The following MTA2 variants were observed in gnomAD, a reference collection of about 807,000 sequenced individuals.
The protein encoded by MTA2 is metastasis associated 1 family member 2.
In MTA2, 22 loss-of-function variants were observed where a neutral mutation model predicts 87.1. The observed-to-expected ratio is 0.25, with a 90% CI of 0.18 to 0.36. The LOEUF (loss-of-function observed/expected upper bound fraction) is 0.36, where lower values mean the gene tolerates loss of function less well. MTA2 is among the 10% of genes least tolerant of loss of function. MTA2 has a pLI of 1.00. For missense variants in MTA2, 542 were observed against 853.2 expected (o/e 0.64, Z 4.54); for synonymous variants, 314 against 310.1 (o/e 1.01, Z -0.13).
chr11:62,595,608 G>T lies in MTA2; in HGVS notation c.1255-116C>A. The T allele has an allele frequency of 6.7e-7, 1 of 1,501,634 alleles. No individual in the cohort carries two copies. Among genetic ancestry groups the T allele is most frequent in the Non-Finnish European group, 9.1e-7 (1 of 1,099,112 alleles). 93.0% of individuals were successfully genotyped at this position (1,501,634 alleles called of 1,614,324 possible). A position where few individuals can be genotyped will look rare whatever the true frequency, so the allele number is the denominator to read the frequency against. On this transcript the variant is annotated intron_variant, in intron 13 of 17. Coordinates refer to ENST00000278823, the MANE Select transcript of MTA2 (RefSeq NM_004739.4). The surrounding 1 kb of genome is among the most constrained non-coding windows in gnomAD (Gnocchi z 4.9). ...TGTCTAATCTCTTTACTGACCTCTT[G>T]GCCTATGTGTCTCCCCAACCAGCAT...
intron 11 of MTA2, 57 bp downstream of exon 11, chr11:62,596,222 C>T: frequency 6.2e-7 from 1 of 1,603,220 alleles, no homozygotes. Flanking sequence ...CTGAGGAAGG[C>T]ACAAGTTAGG....
At position 62,601,655 on chromosome 11, in the gene MTA2, C is replaced by T. The variant is rs1942204651; in HGVS notation, c.-205G>A. On this transcript the variant is annotated 5_prime_UTR_variant, in exon 1 of 18. Transcript: ENST00000278823. ...CGCCGCCGCAGCTATCGCCTCACTCCCGGGACGCTGAGGCTGGCCCCCGTC... is the reference window on the plus strand; with the variant it reads ...CGCCGCCGCAGCTATCGCCTCACTCTCGGGACGCTGAGGCTGGCCCCCGTC... 1.8e-5 allele frequency: 10 copies of T among 570,136 alleles called. No homozygotes were observed. In the South Asian group the frequency reaches 2.3e-4, roughly 13 times the overall value. The allele number at this position is 570,136 out of a possible 1,614,324, so 35.3% of individuals were successfully genotyped here. A position where few individuals can be genotyped will look rare whatever the true frequency, so the allele number is the denominator to read the frequency against.
At chr11:62,598,687 A>C (rs753699590) in intron 3 of MTA2, 48 bp from the exon 4 acceptor site, 13 of 1,509,584 alleles carry the variant, frequency 8.6e-6, no homozygotes, top group Non-Finnish European at 1.1e-5. Flanking sequence ...GATCCAGCAA[A>C]ACACCACCCT....
At chr11:62,596,948 G>A (rs1044583503) in intron 8 of MTA2, 123 bp from the exon 9 acceptor site, 1 of 912,988 alleles carries the variant, frequency 1.1e-6, no homozygotes, top group African/African-American at 1.7e-5. Context: ...CCAGCACTTT[G>A]GGAAGCGGAG....
At position 62,601,704 on chromosome 11, in the gene MTA2, C is replaced by CCAGGCCAGAGCCAGGCCAGAGCCTGG; in HGVS notation, c.-255_-254insCCAGGCTCTGGCCTGGCTCTGGCCTG. ...TCCGCTCGGCTTCTTCCGGAACGAGCTCGGCTCCTGCCAGGCCAGAGCCAG... is the reference window on the plus strand; with the variant it reads ...TCCGCTCGGCTTCTTCCGGAACGAGCCAGGCCAGAGCCAGGCCAGAGCCTGGTCGGCTCCTGCCAGGCCAGAGCCAG... On this transcript the variant is annotated 5_prime_UTR_variant, in exon 1 of 18. Coordinates refer to ENST00000278823, the MANE Select transcript of MTA2 (RefSeq NM_004739.4). 1.9e-6 allele frequency: 1 copy of CCAGGCCAGAGCCAGGCCAGAGCCTGG among 530,438 alleles called. No individual in the cohort carries two copies. 32.9% of individuals were successfully genotyped at this position (530,438 alleles called of 1,614,324 possible).
chr11:62,597,027 A>C (rs553647189), intron 8 of MTA2, among the ~76,000 whole-genome samples: 2 of 152,248 alleles, frequency 1.3e-5, no homozygotes, highest in East Asian at 3.9e-4. Flanking sequence ...GTCTCTACTA[A>C]AAATACAAAA....
rs1221852234 is a variant in MTA2 at position 62,598,396 on chromosome 11, GGAGA to G, written c.309-10_309-7del. On this transcript the variant is annotated splice_polypyrimidine_tract_variant and splice_region_variant and intron_variant, in intron 4 of 17. Transcript: ENST00000278823. ...GGGTCACACTGCATTTCCCCCTATA[GGAGA>G]GAGATTGGAAAACCCCGGTGAGCCC... 6.2e-7 allele frequency: 1 copy of G among 1,613,982 alleles called. No homozygotes were observed. Among genetic ancestry groups the G allele is most frequent in the Non-Finnish European group, 8.5e-7 (1 of 1,179,946 alleles).
chr11:62,594,728 G>A, intron 15 of MTA2, 94 bp from the exon 16 acceptor site: 2 of 1,203,266 alleles, frequency 1.7e-6, no homozygotes, highest in Admixed American at 2.0e-5. Flanking sequence ...AGTTTACCTG[G>A]GCATCCCCAA....
In MTA2 at chr11:62,600,215, C is replaced by A; in HGVS notation, c.141G>T (p.Arg47=). ...TGAGGCTACTAGAAATGTCCCTGCG[C>A]CGGAAAAGACAGACAACCTTTGCCT... is the stretch of plus-strand genomic sequence containing the variant. ...NVEAKVVCLF[R]RRDISSSLNS... The change falls in exon 3 of 18, where the codon CGG becomes CGT. Residue 47 remains arginine, a synonymous_variant. Transcript: ENST00000278823. 1 of 1,614,126 alleles carries A rather than the reference C, an allele frequency of 6.2e-7. No homozygotes were observed. The highest frequency in any genetic ancestry group is 8.5e-7 in the Non-Finnish European group (1 of 1,180,024).
At chr11:62,600,084 G>T (rs1590732596) in intron 3 of MTA2, 82 bp downstream of exon 3, 2 of 1,309,498 alleles carry the variant, frequency 1.5e-6, no homozygotes, top group African/African-American at 1.5e-5. Context: ...CCTTGGGCAT[G>T]CTACCAGGGG....
intron 11 of MTA2, 65 bp downstream of exon 11, chr11:62,596,214 G>A (rs1942096122): frequency 6.3e-7 from 1 of 1,598,754 alleles, no homozygotes; most frequent in Non-Finnish European, 8.6e-7. Context: ...CCCAATCACT[G>A]AGGAAGGCAC....
At chr11:62,596,228 T>A (rs1283882471) in intron 11 of MTA2, 51 bp downstream of exon 11, 1 of 1,602,224 alleles carries the variant, frequency 6.2e-7, no homozygotes, top group Non-Finnish European at 8.5e-7. Context: ...AAGGCACAAG[T>A]TAGGGGAAGG....
chr11:62,594,774 C>G (rs997087854), intron 15 of MTA2, 140 bp from the exon 16 acceptor site: 10 of 877,748 alleles, frequency 1.1e-5, no homozygotes, highest in Non-Finnish European at 1.8e-5. Flanking sequence ...CAAGCTATCA[C>G]TAGTATTTCA....
intron 15 of MTA2, 108 bp from the exon 16 acceptor site, chr11:62,594,742 T>G (rs777840785): frequency 5.7e-6 from 6 of 1,058,162 alleles, no homozygotes; most frequent in Non-Finnish European, 8.5e-6. Flanking sequence ...TCCCCAAAAG[T>G]AGCAATGGGG....
intron 8 of MTA2, among the ~76,000 whole-genome samples, chr11:62,597,078 A>G (rs1017499752): frequency 1.3e-5 from 2 of 152,138 alleles, no homozygotes; most frequent in Non-Finnish European, 2.9e-5. Flanking sequence ...AGTCCCAGCT[A>G]TTCGGGAGGC....
At position 62,596,087 on chromosome 11, in the gene MTA2, T is replaced by C; in HGVS notation, c.1037A>G (p.Gln346Arg). Residue 346 changes from glutamine (Q) to arginine (R), a missense_variant, in exon 12 of 18, where the codon CAG (glutamine) becomes CGG (arginine). Coordinates refer to ENST00000278823, the MANE Select transcript of MTA2 (RefSeq NM_004739.4). Reference sequence around the variant, plus strand: ...AGGTTTTGAACCCACAGAAATGATCTGGTTAGGGTTTGGCTTAGTGCTAAC... The same window carrying C: ...AGGTTTTGAACCCACAGAAATGATCCGGTTAGGGTTTGGCTTAGTGCTAAC... ...IPTYTKPNPN[Q>R]IISVGSKPGM... 1 of 1,614,118 alleles carries C rather than the reference T, an allele frequency of 6.2e-7. No homozygotes were observed. Among genetic ancestry groups the C allele is most frequent in the Non-Finnish European group, 8.5e-7 (1 of 1,180,016 alleles).
chr11:62,601,787 A>G lies in MTA2; in HGVS notation c.-337T>C. ...CTAGTCGTTGGGCTCTGCCGGCCGC[A>G]GGGAAGGCTTGCCGGGCCCGCCTCA... On this transcript the variant is annotated 5_prime_UTR_variant, in exon 1 of 18. Transcript: ENST00000278823. The G allele has an allele frequency of 7.9e-6, 4 of 504,842 alleles. No homozygotes were observed. Among genetic ancestry groups the G allele is most frequent in the Middle Eastern group, 5.0e-4 (1 of 1,994 alleles). The allele number at this position is 504,842 out of a possible 1,614,324, so 31.3% of individuals were successfully genotyped here. A position where few individuals can be genotyped will look rare whatever the true frequency, so the allele number is the denominator to read the frequency against.
Position 62,595,127 on chromosome 11 carries a change from G to A in MTA2, c.1484-57C>T. 8.9e-6 allele frequency: 14 copies of A among 1,572,532 alleles called. No individual in the cohort carries two copies. Among genetic ancestry groups the A allele is most frequent in the Non-Finnish European group, 1.2e-5 (14 of 1,148,270 alleles). Reference sequence around the variant, plus strand: ...CTTCACCATTCAGGTCTCCTCTAAGGCCAGAAGCCAACTCTAATCTTAAAA... The same window carrying A: ...CTTCACCATTCAGGTCTCCTCTAAGACCAGAAGCCAACTCTAATCTTAAAA... On this transcript the variant is annotated intron_variant, in intron 14 of 17. Coordinates refer to ENST00000278823, the MANE Select transcript of MTA2 (RefSeq NM_004739.4). This position sits in a 1 kb window ranked among gnomAD's most constrained non-coding sequence, Gnocchi z 4.9.
intron 1 of MTA2, chr11:62,601,130 T>G: frequency 1.9e-6 from 1 of 521,922 alleles, no homozygotes; most frequent in African/African-American, 2.0e-5. Flanking sequence ...CTCCCTACCC[T>G]GTCAGCTCCT....
Sources: allele counts gnomAD v4.1 joint callset (sites outside exome capture counted in the v4.1 genomes callset), GRCh38; gene constraint gnomAD v4.1.1; non-coding constraint Gnocchi (gnomAD v3.1); transcripts MANE v1.5; gene names NCBI Gene and HGNC (gene_info 2026-07-23, HGNC 2026-07-21).